DPY30: variants seen among roughly 807,000 people sequenced by gnomAD.
DPY30 encodes the protein dpy-30 histone methyltransferase complex regulatory subunit, also known as protein dpy-30 homolog.
DPY30 carries 6 observed loss-of-function variants against 16.2 expected under a neutral mutation model. The ratio of observed to expected loss-of-function variants is 0.37; its 90% CI spans 0.20 to 0.73. The LOEUF (loss-of-function observed/expected upper bound fraction) is 0.73. Ranked by LOEUF, DPY30 falls within the 30% of genes least tolerant of loss-of-function variation. DPY30 has a pLI of 0.51. For synonymous variants in DPY30, 39 were observed against 38.8 expected (o/e 1.00, Z -0.02); for missense variants, 73 against 113.1 (o/e 0.65, Z 1.61).
At position 32,039,409 on chromosome 2, in the gene DPY30, G is replaced by GCCTCCTGAT. The variant is rs764402696; in HGVS notation, c.36+3_36+11dup. On this transcript the variant is annotated intron_variant, in intron 2 of 4. Coordinates refer to ENST00000342166, the MANE Select transcript of DPY30 (RefSeq NM_001321209.2). ...TGCACACCGCCACCCTGAATCCACG[G>GCCTCCTGAT]CCTCCTGATACCTGCGTTTGTCCCT... The GCCTCCTGAT allele has an allele frequency of 6.2e-7, 1 of 1,614,018 alleles. No individual in the cohort carries two copies. Among genetic ancestry groups the GCCTCCTGAT allele is most frequent in the South Asian group, 1.1e-5 (1 of 91,056 alleles).
At chr2:32,023,710 G>A (rs1675234414), downstream of DPY30, 7 of 1,303,766 alleles carry the variant, frequency 5.4e-6, 1 homozygote, top group Non-Finnish European at 6.1e-6. Context: ...AAGATGCCCA[G>A]ATCCCACCCT....
intron 3 of DPY30, among the ~76,000 whole-genome samples, chr2:32,035,667 C>T (rs1010184193): frequency 6.6e-6 from 1 of 151,348 alleles, no homozygotes; most frequent in East Asian, 1.9e-4. Context: ...GGTGCAGTGG[C>T]TCACATCTGT....
chr2:32,023,830 G>T (rs1206868539), downstream of DPY30: 1 of 1,303,874 alleles, frequency 7.7e-7, no homozygotes, highest in Non-Finnish European at 1.0e-6. Flanking sequence ...GAAGACAGAA[G>T]AAAAAGAGAA....
At chr2:32,012,427 T>C (rs1388307872) in intron 5 of DPY30, among the ~76,000 whole-genome samples, 6 of 121,512 alleles carry the variant, frequency 4.9e-5, no homozygotes, top group Non-Finnish European at 1.1e-4. Flanking sequence ...TTCTTTTTTT[T>C]TTTTTTTTTT....
At chr2:32,028,858 T>C (rs1036566263) in intron 4 of DPY30, among the ~76,000 whole-genome samples, 3 of 151,562 alleles carry the variant, frequency 2.0e-5, no homozygotes, top group African/African-American at 4.9e-5. Context: ...AGCTACTCGG[T>C]AGACTGAGGT....
chr2:32,019,261 T>A (rs1452772655), downstream of DPY30, among the ~76,000 whole-genome samples: 8 of 152,042 alleles, frequency 5.3e-5, no homozygotes, highest in Non-Finnish European at 1.0e-4. Context: ...CCCAGCTAAT[T>A]GGTGACTCAC....
intron 4 of DPY30, among the ~76,000 whole-genome samples, chr2:32,028,960 T>C (rs1572997849): frequency 6.6e-6 from 1 of 151,446 alleles, no homozygotes; most frequent in African/African-American, 2.4e-5. Context: ...CAAGACTCTG[T>C]CTCAAAAAAA....
At chr2:32,016,062 C>G (rs527729828) in intron 5 of DPY30, among the ~76,000 whole-genome samples, 6 of 152,150 alleles carry the variant, frequency 3.9e-5, no homozygotes, top group African/African-American at 1.4e-4. Context: ...CCATGCCTGG[C>G]TAATTTTTAT....
chr2:32,015,288 G>A (rs1675042961), intron 5 of DPY30, among the ~76,000 whole-genome samples: 3 of 152,088 alleles, frequency 2.0e-5, no homozygotes, highest in Admixed American at 2.0e-4. Context: ...TTAACACAGA[G>A]AGGGTCTTTT....
chr2:32,037,522 C>T (rs1217930326), intron 3 of DPY30, among the ~76,000 whole-genome samples: 1 of 151,872 alleles, frequency 6.6e-6, no homozygotes, highest in African/African-American at 2.4e-5. Flanking sequence ...TTTCAAACTC[C>T]TGAGCTCAAG....
At chr2:32,024,356 T>C (rs1157348155) in intron 4 of DPY30, 100 bp from the exon 5 acceptor site, 1 of 877,748 alleles carries the variant, frequency 1.1e-6, no homozygotes, top group Non-Finnish European at 1.7e-6. Flanking sequence ...TTAAGTTTAA[T>C]TTTCATTTCA....
At chr2:32,022,015 G>GTT (rs1675194862), downstream of DPY30, among the ~76,000 whole-genome samples, 1 of 151,992 alleles carries the variant, frequency 6.6e-6, no homozygotes, top group African/African-American at 2.4e-5. Context: ...TTCGAGACCA[G>GTT]CCTGGCCACC....
chr2:32,039,693 C>T (rs1675892604), intron 1 of DPY30, 40 bp downstream of exon 1: 2 of 595,392 alleles, frequency 3.4e-6, no homozygotes, highest in East Asian at 5.5e-5. Context: ...TCCCAAGTAC[C>T]TAGAATAAGT....
At chr2:32,038,031 G>A (rs1387957516) in intron 3 of DPY30, among the ~76,000 whole-genome samples, 1 of 151,710 alleles carries the variant, frequency 6.6e-6, no homozygotes, top group African/African-American at 2.4e-5. Flanking sequence ...GAGAAGTTCA[G>A]TAACTTGTTC....
intron 2 of DPY30, 28 bp downstream of exon 2, chr2:32,039,393 C>T: frequency 6.2e-7 from 1 of 1,614,176 alleles, no homozygotes; most frequent in Non-Finnish European, 8.5e-7. Flanking sequence ...CTGCACACCG[C>T]CACCCTGAAT....
Position 32,024,219 on chromosome 2 carries a change from AAAGAT to A in DPY30, c.260_264del (p.Tyr87PhefsTer8). 6.2e-7 allele frequency: 1 copy of A among 1,612,930 alleles called. No homozygotes were observed. The highest frequency in any genetic ancestry group is 8.5e-7 in the Non-Finnish European group (1 of 1,179,462). The stretch of plus-strand genomic sequence containing the variant: ...TCTTCAAACTGTGCCTTGTTTTTTA[AAAGAT>A]AAGATGCTAGAAATTCAATGGGATT... On this transcript the variant is annotated frameshift_variant, in exon 5 of 5. Coordinates refer to ENST00000342166, the MANE Select transcript of DPY30 (RefSeq NM_001321209.2). LOFTEE classifies it high-confidence loss of function.
At chr2:32,020,020 T>C (rs1309296255), downstream of DPY30, among the ~76,000 whole-genome samples, 1 of 147,798 alleles carries the variant, frequency 6.8e-6, no homozygotes, top group Non-Finnish European at 1.5e-5. Context: ...AATTCCTCTG[T>C]AACCTTAAGG....
At chr2:32,018,502 T>A (rs938112409) in intron 5 of DPY30, among the ~76,000 whole-genome samples, 7 of 151,934 alleles carry the variant, frequency 4.6e-5, no homozygotes, top group Non-Finnish European at 8.8e-5. Flanking sequence ...CTTAGGCAGG[T>A]GGATCACGAG....
intron 5 of DPY30, among the ~76,000 whole-genome samples, chr2:32,012,754 G>T (rs1674988268): frequency 6.6e-6 from 1 of 152,068 alleles, no homozygotes. Flanking sequence ...TACTTTAGAG[G>T]TAACAGAAAA....
Sources: allele counts gnomAD v4.1 joint callset (sites outside exome capture counted in the v4.1 genomes callset), GRCh38; gene constraint gnomAD v4.1.1; transcripts MANE v1.5; gene names NCBI Gene and HGNC (gene_info 2026-07-23, HGNC 2026-07-21).